Variants in S100Z observed in about 807,000 individuals in gnomAD.
S100Z encodes S100 calcium binding protein Z, also known as protein S100-Z.
S100Z carries 11 observed loss-of-function variants against 8.5 expected under a neutral mutation model. That is an observed-to-expected ratio of 1.30 (90% confidence interval 0.82 to 2.15). S100Z has a LOEUF of 2.15. S100Z is among the 30% of genes most tolerant of loss of function. The pLI is 0.00. For missense variants in S100Z, 126 were observed against 117.9 expected (o/e 1.07, Z -0.32); for synonymous variants, 34 against 43.8 (o/e 0.78, Z 0.89).
the S100Z span, among the ~76,000 whole-genome samples, chr5:76,938,107 T>C: frequency 0.67 from 92,056 of 138,112 alleles, 28,662 homozygotes; most frequent in South Asian, 0.8. Flanking sequence ...AAACAAAAAA[T>C]AAACAAAAAA....
At chr5:76,863,608 G>T (rs185715179) in intron 1 of S100Z, among the ~76,000 whole-genome samples, 13 of 151,922 alleles carry the variant, frequency 8.6e-5, no homozygotes, top group African/African-American at 1.7e-4. Context: ...GCGCGATCTC[G>T]GCTCACTGCA....
At chr5:76,932,153 C>T in the S100Z span, among the ~76,000 whole-genome samples, 1 of 151,850 alleles carries the variant, frequency 6.6e-6, no homozygotes, top group East Asian at 1.9e-4. Context: ...TTTTTTTTCT[C>T]CCCAGTGAAA....
Position 76,863,835 on chromosome 5 carries a change from G to A in S100Z, c.-175-6331G>A, listed in dbSNP as rs113697057. ...TTACAGGTGTGAGCCACTGCGCCCGGCCAATTATATTATCTCTTGAAGGCT... is the reference window on the plus strand; with the variant it reads ...TTACAGGTGTGAGCCACTGCGCCCGACCAATTATATTATCTCTTGAAGGCT... On this transcript the variant is annotated intron_variant, in intron 1 of 4. Coordinates refer to ENST00000317593, the MANE Select transcript of S100Z (RefSeq NM_130772.4). 4.0e-3 allele frequency among the ~76,000 whole-genome samples: 608 copies of A among 152,326 alleles called. 2 individuals carry two copies. The highest frequency in any genetic ancestry group is 6.4e-3 in the Non-Finnish European group (438 of 68,036).
chr5:76,910,264 G>C (rs1315764329), intron 4 of S100Z, among the ~76,000 whole-genome samples: 1 of 152,164 alleles, frequency 6.6e-6, no homozygotes, highest in African/African-American at 2.4e-5. Context: ...TAAAAGATAA[G>C]TTTATTGCCC....
rs1001051985 is a variant in S100Z at position 76,921,566 on chromosome 5, A to G, written c.*852A>G. ...TAAAAGTAAGACATGGCATTATGAC[A>G]CTGGATATTCAAAAACCACGATGTC... On this transcript the variant is annotated 3_prime_UTR_variant, in exon 5 of 5. Transcript: ENST00000317593. 1 of 152,242 alleles carries G rather than the reference A, an allele frequency of 6.6e-6. No homozygotes were observed. Among genetic ancestry groups the G allele is most frequent in the Admixed American group, 6.5e-5 (1 of 15,280 alleles). The allele number at this position is 152,242 out of a possible 1,614,324, so 9.4% of individuals were successfully genotyped here. A position where few individuals can be genotyped will look rare whatever the true frequency, so the allele number is the denominator to read the frequency against.
chr5:76,944,796 G>C, the S100Z span, among the ~76,000 whole-genome samples: 1 of 152,190 alleles, frequency 6.6e-6, no homozygotes, highest in African/African-American at 2.4e-5. Flanking sequence ...GATGTTACGT[G>C]CCCATGCGTC....
At chr5:76,861,834 T>C (rs990227965) in intron 1 of S100Z, among the ~76,000 whole-genome samples, 4 of 152,228 alleles carry the variant, frequency 2.6e-5, no homozygotes, top group East Asian at 3.9e-4. Context: ...TAGTCATCAG[T>C]ATAAATAACG....
chr5:76,915,436 C>T (rs1700657), intron 4 of S100Z, among the ~76,000 whole-genome samples: 104,103 of 151,484 alleles, frequency 0.69, 36,499 homozygotes, highest in African/African-American at 0.83. Context: ...ACCCCCTCTC[C>T]ACTAAAAAAA....
intron 1 of S100Z, among the ~76,000 whole-genome samples, chr5:76,853,553 T>TGGGA (rs201210403): frequency 0.024 from 3,720 of 152,232 alleles, 74 homozygotes; most frequent in Non-Finnish European, 0.038. Flanking sequence ...CCCAGCACTT[T>TGGGA]GGGAGGCTGA....
intron 4 of S100Z, among the ~76,000 whole-genome samples, chr5:76,902,657 TG>T (rs1744272469): frequency 6.6e-6 from 1 of 151,322 alleles, no homozygotes; most frequent in Non-Finnish European, 1.5e-5. Flanking sequence ...TGTTGTTGTT[TG>T]TTTTTTTTTC....
chr5:76,894,442 C>G (rs1229517154), intron 4 of S100Z, among the ~76,000 whole-genome samples: 2 of 152,224 alleles, frequency 1.3e-5, no homozygotes, highest in East Asian at 1.9e-4. Flanking sequence ...CAGAATAAAT[C>G]TCTCCAAAAC....
At chr5:76,863,914 G>A (rs929574679) in intron 1 of S100Z, among the ~76,000 whole-genome samples, 1 of 152,114 alleles carries the variant, frequency 6.6e-6, no homozygotes, top group Non-Finnish European at 1.5e-5. Flanking sequence ...TTATAAACTG[G>A]AAACTTAAAT....
At chr5:76,918,144 T>G (rs1192680617) in intron 4 of S100Z, among the ~76,000 whole-genome samples, 1 of 152,240 alleles carries the variant, frequency 6.6e-6, no homozygotes, top group Non-Finnish European at 1.5e-5. Context: ...ATGCACGTGT[T>G]GTTTTTCCAC....
intron 4 of S100Z, among the ~76,000 whole-genome samples, chr5:76,908,091 C>T (rs1744520276): frequency 6.6e-6 from 1 of 152,090 alleles, no homozygotes. Context: ...ATGATTTTGC[C>T]ACTGCACTCC....
chr5:76,950,655 T>C, the S100Z span, among the ~76,000 whole-genome samples: 4 of 152,194 alleles, frequency 2.6e-5, no homozygotes, highest in South Asian at 6.2e-4. Context: ...AAAACTGAAA[T>C]ATTTGAAAGT....
chr5:76,874,572 A>G (rs1039739477), intron 2 of S100Z, among the ~76,000 whole-genome samples: 6 of 152,150 alleles, frequency 3.9e-5, no homozygotes, highest in African/African-American at 1.2e-4. Flanking sequence ...ATCTTCCCGG[A>G]AACAGGTGTG....
downstream of S100Z, among the ~76,000 whole-genome samples, chr5:76,922,880 C>T (rs1030880519): frequency 6.6e-6 from 1 of 152,128 alleles, no homozygotes; most frequent in African/African-American, 2.4e-5. Flanking sequence ...TTGTATGAAT[C>T]CCATGCACAT....
chr5:76,946,354 A>T, the S100Z span, among the ~76,000 whole-genome samples: 1 of 152,018 alleles, frequency 6.6e-6, no homozygotes, highest in African/African-American at 2.4e-5. Flanking sequence ...GTTCCTAATT[A>T]TTTTATTTTC....
intron 1 of S100Z, among the ~76,000 whole-genome samples, chr5:76,865,854 A>C (rs1445808176): frequency 2.0e-5 from 3 of 149,524 alleles, no homozygotes. Flanking sequence ...CTCTACTAAA[A>C]ATAAAAAAAA....
Sources: gnomAD v4.1 joint callset for allele counts (sites outside exome capture counted in the v4.1 genomes callset) on GRCh38, gnomAD v4.1.1 for gene constraint, MANE v1.5 for transcripts, NCBI Gene and HGNC (gene_info 2026-07-23, HGNC 2026-07-21) for gene names.